The following IL1RAPL2 variants were observed in gnomAD, a reference collection of about 807,000 sequenced individuals.
IL1RAPL2 encodes the protein X-linked interleukin-1 receptor accessory protein-like 2.
IL1RAPL2 carries 3 observed loss-of-function variants against 44.1 expected under a neutral mutation model. The observed-to-expected ratio is 0.07, with a 90% confidence interval of 0.03 to 0.18. The LOEUF (loss-of-function observed/expected upper bound fraction) is 0.18. Among genes scored for constraint, IL1RAPL2 ranks in the 10% least tolerant of loss-of-function variants. The pLI is 1.00. For synonymous variants in IL1RAPL2, 181 were observed against 178.8 expected, an observed-to-expected ratio of 1.01 and a Z score of -0.10; for missense variants, 391 against 496.4, an observed-to-expected ratio of 0.79 and a Z score of 2.02.
chrX:104,996,931 G>GTAGC (rs1327583741), intron 2 of IL1RAPL2, among the ~76,000 whole-genome samples: 1 of 111,574 alleles, frequency 9.0e-6, no homozygotes, highest in Non-Finnish European at 1.9e-5. Flanking sequence ...CCAGGAAGAT[G>GTAGC]TAGCATCAAG....
chrX:105,361,567 T>C (rs767705622), intron 5 of IL1RAPL2, among the ~76,000 whole-genome samples: 153 of 111,380 alleles, frequency 1.4e-3, no homozygotes, highest in African/African-American at 4.7e-3. Context: ...ATGTCTAAAC[T>C]GTATGTCGTA....
chrX:105,441,955 A>G (rs923130087), intron 5 of IL1RAPL2, among the ~76,000 whole-genome samples: 1 of 111,819 alleles, frequency 8.9e-6, no homozygotes, highest in Admixed American at 9.5e-5. Context: ...TCTTAATACT[A>G]AAGCATTTCC....
intron 2 of IL1RAPL2, among the ~76,000 whole-genome samples, chrX:105,080,899 G>A (rs2147547858): frequency 9.0e-6 from 1 of 111,561 alleles, no homozygotes; most frequent in African/African-American, 3.3e-5. Context: ...TCCTTGAGCA[G>A]TTGTTTGTAG....
intron 2 of IL1RAPL2, among the ~76,000 whole-genome samples, chrX:105,029,412 C>G (rs866054879): frequency 1.9e-4 from 13 of 69,391 alleles, no homozygotes; most frequent in Middle Eastern, 9.9e-3. Context: ...TCCCCCCACC[C>G]CACAACAGTC....
intron 6 of IL1RAPL2, among the ~76,000 whole-genome samples, chrX:105,504,973 T>C (rs1253786438): frequency 2.7e-5 from 3 of 110,977 alleles, no homozygotes; most frequent in Admixed American, 9.6e-5. Flanking sequence ...CATGCCCCAG[T>C]AAATAGAGGT....
At chrX:105,488,514 T>TTCATGAG (rs2036286831) in intron 6 of IL1RAPL2, among the ~76,000 whole-genome samples, 1 of 112,468 alleles carries the variant, frequency 8.9e-6, no homozygotes, top group Non-Finnish European at 1.9e-5. Flanking sequence ...GACCCCAAAA[T>TTCATGAG]TCATGAGCAA....
chrX:105,463,529 A>T (rs1234016034), intron 5 of IL1RAPL2, among the ~76,000 whole-genome samples: 1 of 100,826 alleles, frequency 9.9e-6, no homozygotes, highest in Non-Finnish European at 2.0e-5. Flanking sequence ...GGCTAGATAC[A>T]CTTCTCTCTC....
At chrX:105,588,088 T>A (rs192960367) in intron 6 of IL1RAPL2, among the ~76,000 whole-genome samples, 1 of 111,497 alleles carries the variant, frequency 9.0e-6, no homozygotes, top group African/African-American at 3.3e-5. Flanking sequence ...TATATATGGA[T>A]GATGTTATAC....
At chrX:104,763,325 G>A (rs771592398) in intron 2 of IL1RAPL2, among the ~76,000 whole-genome samples, 82 of 111,885 alleles carry the variant, frequency 7.3e-4, no homozygotes, top group Admixed American at 7.6e-4. Flanking sequence ...CATTTTGTTC[G>A]AAACCATTCA....
At chrX:105,042,349 A>G (rs1204445889) in intron 2 of IL1RAPL2, among the ~76,000 whole-genome samples, 1 of 110,943 alleles carries the variant, frequency 9.0e-6, no homozygotes, top group Non-Finnish European at 1.9e-5. Flanking sequence ...GCTAATATCC[A>G]GAATCTGCAA....
At chrX:105,598,776 C>T (rs2037230228) in intron 6 of IL1RAPL2, among the ~76,000 whole-genome samples, 1 of 112,027 alleles carries the variant, frequency 8.9e-6, no homozygotes, top group African/African-American at 3.2e-5. Flanking sequence ...CCCACATCTC[C>T]TCACCTAATC....
At chrX:105,307,747 CTT>C (rs1455240610) in intron 5 of IL1RAPL2, among the ~76,000 whole-genome samples, 1 of 93,207 alleles carries the variant, frequency 1.1e-5, no homozygotes, top group East Asian at 3.3e-4. Flanking sequence ...TACTGTAACT[CTT>C]TTTTATTCAG....
intron 2 of IL1RAPL2, among the ~76,000 whole-genome samples, chrX:105,059,556 A>G (rs1486914125): frequency 1.8e-5 from 2 of 110,964 alleles, no homozygotes; most frequent in Admixed American, 1.9e-4. Context: ...TTCGAGATGG[A>G]GTCTCACTGT....
intron 2 of IL1RAPL2, among the ~76,000 whole-genome samples, chrX:104,708,250 C>A (rs1296121427): frequency 1.8e-5 from 2 of 111,532 alleles, no homozygotes; most frequent in Non-Finnish European, 3.8e-5. Flanking sequence ...CACAGTTGTT[C>A]TTACCTTTCT....
chrX:105,204,144 G>T (rs960517609), intron 3 of IL1RAPL2, among the ~76,000 whole-genome samples: 1 of 110,517 alleles, frequency 9.0e-6, no homozygotes, highest in Non-Finnish European at 1.9e-5. Context: ...ACACTCCAAT[G>T]GCAAGATAGA....
At chrX:105,702,164 G>A (rs773858268) in intron 6 of IL1RAPL2, among the ~76,000 whole-genome samples, 1 of 111,504 alleles carries the variant, frequency 9.0e-6, no homozygotes, top group South Asian at 3.7e-4. Context: ...AGTAAATTAC[G>A]GCATTCTTTA....
chrX:105,612,665 G>A (rs1257953577), intron 6 of IL1RAPL2, among the ~76,000 whole-genome samples: 2 of 112,235 alleles, frequency 1.8e-5, no homozygotes, highest in Non-Finnish European at 3.8e-5. Context: ...TCCCCTGACA[G>A]CAGTCATGTG....
intron 2 of IL1RAPL2, among the ~76,000 whole-genome samples, chrX:104,708,701 G>A (rs1931403032): frequency 9.0e-6 from 1 of 110,971 alleles, no homozygotes; most frequent in Admixed American, 9.7e-5. Context: ...GATATAGGAA[G>A]CAAGGAAAAT....
intron 5 of IL1RAPL2, among the ~76,000 whole-genome samples, chrX:105,425,922 A>G (rs775069639): frequency 3.6e-5 from 4 of 110,389 alleles, no homozygotes; most frequent in Non-Finnish European, 7.6e-5. Flanking sequence ...GAAATTGATT[A>G]AAGGTGCCCC....
Sources: allele counts gnomAD v4.1 joint callset (sites outside exome capture counted in the v4.1 genomes callset), GRCh38; gene constraint gnomAD v4.1.1; transcripts MANE v1.5; gene names NCBI Gene and HGNC (gene_info 2026-07-23, HGNC 2026-07-21).